Variants in ZPBP observed in about 807,000 individuals in gnomAD.
ZPBP encodes zona pellucida-binding protein 1.
Under a neutral mutation model 44.8 loss-of-function variants are expected in ZPBP, and 26 were observed. The observed-to-expected ratio is 0.58, with a 90% CI of 0.43 to 0.81. ZPBP has a LOEUF of 0.81. ZPBP is among the 30% of genes least tolerant of loss of function. ZPBP has a pLI of 0.00. For missense variants in ZPBP, 409 were observed against 434.0 expected, an observed-to-expected ratio of 0.94 and a Z score of 0.51; for synonymous variants, 174 against 153.2, an observed-to-expected ratio of 1.14 and a Z score of -1.00.
intron 1 of ZPBP, among the ~76,000 whole-genome samples, chr7:49,902,747 T>C (rs1454961548): frequency 1.3e-5 from 2 of 151,986 alleles, no homozygotes; most frequent in Non-Finnish European, 2.9e-5. Context: ...AGATAGAAAA[T>C]TGATGCATTT....
chr7:49,917,930 G>T (rs1793810225), intron 1 of ZPBP: 1 of 151,672 alleles, frequency 6.6e-6, no homozygotes, highest in Admixed American at 6.6e-5. Context: ...TAGTTTTCAG[G>T]GTTTATTCTT....
At chr7:49,910,453 G>A (rs1793347652) in intron 1 of ZPBP, among the ~76,000 whole-genome samples, 1 of 152,146 alleles carries the variant, frequency 6.6e-6, no homozygotes, top group Admixed American at 6.5e-5. Context: ...TGAGAATTTT[G>A]CAAACTGTTG....
chr7:49,872,110 C>T (rs936614578), intron 2 of ZPBP, among the ~76,000 whole-genome samples: 5 of 151,644 alleles, frequency 3.3e-5, no homozygotes, highest in African/African-American at 1.2e-4. Flanking sequence ...AAACAGAAAC[C>T]TGTAGTTAAC....
intron 6 of ZPBP, among the ~76,000 whole-genome samples, chr7:50,013,307 A>T (rs1798670409): frequency 1.3e-5 from 2 of 151,972 alleles, no homozygotes; most frequent in South Asian, 4.1e-4. Context: ...GTGATTGAAG[A>T]AAGGCATCAC....
chr7:49,871,908 AACACACACACACACACACACACAC>A lies in ZPBP; in HGVS notation n.510-21418_510-21395del, dbSNP rs72332840. ...TTTTGTATGTATATGTGTGTATATAAACACACACACACACACACACACACACACACACACACACACACACACACA... is the reference window on the plus strand; with the variant it reads ...TTTTGTATGTATATGTGTGTATATAAACACACACACACACACACACACACA... On this transcript the variant is annotated intron_variant and non_coding_transcript_variant, in intron 2 of 2. Coordinates refer to the ZPBP transcript ENST00000465922. Among the ~76,000 whole-genome samples, 367 of 87,914 alleles carry A rather than the reference AACACACACACACACACACACACAC, an allele frequency of 4.2e-3. 4 individuals carry two copies. The highest frequency in any genetic ancestry group is 0.014 in the Middle Eastern group (3 of 210). 57.7% of individuals were successfully genotyped at this position (87,914 alleles called of 152,430 possible). A position where few individuals can be genotyped will look rare whatever the true frequency, so the allele number is the denominator to read the frequency against.
chr7:50,006,582 A>G (rs888085309), intron 6 of ZPBP, among the ~76,000 whole-genome samples: 8 of 152,062 alleles, frequency 5.3e-5, no homozygotes, highest in Non-Finnish European at 1.2e-4. Flanking sequence ...AAGGAAACTT[A>G]TAGCTATAAA....
downstream of ZPBP, among the ~76,000 whole-genome samples, chr7:49,932,770 T>C (rs1794489848): frequency 1.3e-5 from 2 of 152,128 alleles, no homozygotes; most frequent in Non-Finnish European, 2.9e-5. Flanking sequence ...TGAATTGTAA[T>C]AATCCCCACA....
At chr7:49,902,530 C>G (rs1375971692) in intron 1 of ZPBP, among the ~76,000 whole-genome samples, 4 of 144,550 alleles carry the variant, frequency 2.8e-5, no homozygotes, top group Non-Finnish European at 4.5e-5. Context: ...ACAAATGACA[C>G]TGTAACAATT....
intron 7 of ZPBP, among the ~76,000 whole-genome samples, chr7:49,956,999 T>C (rs1795624830): frequency 6.6e-6 from 1 of 152,162 alleles, no homozygotes; most frequent in Non-Finnish European, 1.5e-5. Flanking sequence ...GTAAGATCCT[T>C]AAGAGGTGAT....
At chr7:49,971,043 CA>C (rs1357851506) in intron 7 of ZPBP, among the ~76,000 whole-genome samples, 76 of 151,792 alleles carry the variant, frequency 5.0e-4, no homozygotes, top group African/African-American at 1.7e-3. Flanking sequence ...GACCCCATAT[CA>C]ATAAAAAAAT....
At chr7:50,085,288 A>G (rs1295298572) in intron 2 of ZPBP, among the ~76,000 whole-genome samples, 1 of 152,096 alleles carries the variant, frequency 6.6e-6, no homozygotes, top group South Asian at 2.1e-4. Flanking sequence ...CAATACTTTG[A>G]TTTTTGATTT....
Position 50,026,682 on chromosome 7 carries a change from G to A in ZPBP, c.706+4410C>T, listed in dbSNP as rs560817620. 6.3e-4 allele frequency among the ~76,000 whole-genome samples: 95 copies of A among 151,920 alleles called. 1 individual carries two copies. The South Asian group carries it at 0.01, about 17-fold the overall frequency. ...GAGCTAAAGGTTCAGGGCTCAGCTG[G>A]CATGTCAATTCCCTAAATTTCTATG... On this transcript the variant is annotated intron_variant, in intron 5 of 7. Coordinates refer to ENST00000046087, the MANE Select transcript of ZPBP (RefSeq NM_007009.3).
At chr7:49,848,920 C>T (rs1022094403), downstream of ZPBP, among the ~76,000 whole-genome samples, 2 of 152,140 alleles carry the variant, frequency 1.3e-5, no homozygotes, top group Non-Finnish European at 2.9e-5. Flanking sequence ...TTCAGAATTT[C>T]CTAGTCTCTG....
At chr7:50,043,689 G>C (rs1220565133) in intron 4 of ZPBP, among the ~76,000 whole-genome samples, 1 of 152,114 alleles carries the variant, frequency 6.6e-6, no homozygotes, top group African/African-American at 2.4e-5. Context: ...AGTTCTTAGA[G>C]ACCTAGAGAC....
intron 5 of ZPBP, among the ~76,000 whole-genome samples, chr7:50,030,274 G>C (rs558478117): frequency 6.6e-6 from 1 of 152,074 alleles, no homozygotes; most frequent in Non-Finnish European, 1.5e-5. Flanking sequence ...AAGGGGAGGG[G>C]AGGGCAGAGG....
Position 49,940,421 on chromosome 7 carries a change from T to C in ZPBP, c.962-2799A>G, listed in dbSNP as rs147963551. On this transcript the variant is annotated intron_variant, in intron 7 of 7. Coordinates refer to ENST00000046087, the MANE Select transcript of ZPBP (RefSeq NM_007009.3). ...GGAGAAAATACAAATGGTGAACTAA[T>C]GGCTTTTTTTGTTGAGCCAACAAAA... 1.7e-3 allele frequency among the ~76,000 whole-genome samples: 265 copies of C among 152,244 alleles called. 3 individuals carry two copies. Among genetic ancestry groups the C allele is most frequent in the African/African-American group, 6.0e-3 (248 of 41,536 alleles).
downstream of ZPBP, among the ~76,000 whole-genome samples, chr7:49,934,466 C>T (rs916861217): frequency 3.3e-5 from 5 of 150,762 alleles, no homozygotes; most frequent in Admixed American, 2.6e-4. Context: ...AAAACTCACA[C>T]ATGATCCCAT....
At chr7:49,934,339 T>C (rs1311875032), downstream of ZPBP, among the ~76,000 whole-genome samples, 2 of 152,162 alleles carry the variant, frequency 1.3e-5, no homozygotes, top group East Asian at 1.9e-4. Flanking sequence ...AGATAAGCAA[T>C]GTCTTCTCTA....
chr7:50,055,903 G>A (rs893661127), intron 4 of ZPBP, among the ~76,000 whole-genome samples: 2 of 152,152 alleles, frequency 1.3e-5, no homozygotes, highest in Non-Finnish European at 2.9e-5. Flanking sequence ...GAAGTAACAA[G>A]ATGGAGATAA....
Sources: allele counts gnomAD v4.1 joint callset (sites outside exome capture counted in the v4.1 genomes callset), GRCh38; gene constraint gnomAD v4.1.1; transcripts MANE v1.5; gene names NCBI Gene and HGNC (gene_info 2026-07-23, HGNC 2026-07-21).